The following TCL1B variants were observed in gnomAD, a reference collection of about 807,000 sequenced individuals.
TCL1B encodes the protein TCL1 family AKT coactivator B, also known as T-cell leukemia/lymphoma protein 1B.
In TCL1B, 14 loss-of-function variants were observed where a neutral mutation model predicts 16.9. That is an observed-to-expected ratio of 0.83 (90% CI 0.55 to 1.30). TCL1B has a LOEUF of 1.30. Ranked by LOEUF, TCL1B falls within the 50% of genes most tolerant of loss-of-function variation. The probability of loss-of-function intolerance (pLI) is 0.00; values close to 1 mark genes in which losing one functional copy is unlikely to be tolerated. For missense variants in TCL1B, 166 were observed against 165.2 expected, an observed-to-expected ratio of 1.00 and a Z score of -0.03; for synonymous variants, 79 against 66.6, an observed-to-expected ratio of 1.19 and a Z score of -0.91.
At position 95,686,699 on chromosome 14, in the gene TCL1B, G is replaced by A. The variant is rs567391834; in HGVS notation, c.162+70G>A. The A allele has an allele frequency of 6.0e-6, 9 of 1,494,818 alleles. No homozygotes were observed. In the South Asian group the frequency reaches 6.8e-5, roughly 11 times the overall value. The allele number at this position is 1,494,818 out of a possible 1,614,324, so 92.6% of individuals were successfully genotyped here. Reference sequence around the variant, plus strand: ...TGACCCCTGCCCGTGTGGGACCGCGGTGGGGGTCAGAGGGGGCCGTTCTCA... The same window carrying A: ...TGACCCCTGCCCGTGTGGGACCGCGATGGGGGTCAGAGGGGGCCGTTCTCA... On this transcript the variant is annotated intron_variant, in intron 1 of 3. Coordinates refer to ENST00000340722, the MANE Select transcript of TCL1B (RefSeq NM_004918.4).
intron 1 of TCL1B, chr14:95,689,318 T>A (rs544166146): frequency 3.8e-4 from 55 of 146,132 alleles, no homozygotes; most frequent in African/African-American, 1.4e-3. Flanking sequence ...AAAAAACAGT[T>A]AAGATTTTTT....
At chr14:95,690,980 C>T in intron 2 of TCL1B, 74 bp downstream of exon 2, 2 of 1,540,544 alleles carry the variant, frequency 1.3e-6, no homozygotes. Flanking sequence ...CTCTTCTGTG[C>T]CCCTGGCCCC....
In TCL1B at chr14:95,686,626, CAG is replaced by C. The variant is rs1367733938; in HGVS notation, c.162_162+1del. On this transcript the variant is annotated frameshift_variant and splice_region_variant, in exon 1 of 4. Coordinates refer to ENST00000340722, the MANE Select transcript of TCL1B (RefSeq NM_004918.4). LOFTEE classifies it high-confidence loss of function. ...AATGGGCCAGGGCCTCCCAGGGCAG[CAG>C]AGTGAGTCCTGGGCACGAGGGGAGG... ...REWARASQGS[R>X]YEPSITVHLW... The C allele has an allele frequency of 2.5e-6, 4 of 1,605,612 alleles. No homozygotes were observed. Among genetic ancestry groups the C allele is most frequent in the Non-Finnish European group, 2.6e-6 (3 of 1,175,888 alleles).
At chr14:95,688,377 A>T (rs1406296540) in intron 1 of TCL1B, 2 of 152,214 alleles carry the variant, frequency 1.3e-5, no homozygotes, top group Non-Finnish European at 2.9e-5. Flanking sequence ...GGTAGAGAAC[A>T]TGGAAAGGCT....
rs200228018 is a variant in TCL1B, at chr14:95,686,452, C to T, written c.-16C>T. 1.8e-5 allele frequency: 29 copies of T among 1,577,526 alleles called. No individual in the cohort carries two copies. The highest frequency in any genetic ancestry group is 3.6e-5 in the South Asian group (3 of 82,544). On this transcript the variant is annotated 5_prime_UTR_variant, in exon 1 of 4. Transcript: ENST00000340722. ...CACGTGTGAGCCTAGAGGCGGGTCC[C>T]GGTTGCAGACTTGCCATGGCCTCCG...
At chr14:95,687,951 C>CAA (rs36096166) in intron 1 of TCL1B, among the ~76,000 whole-genome samples, 5,675 of 108,686 alleles carry the variant, frequency 0.052, 656 homozygotes, top group African/African-American at 0.19. Context: ...GACTCCGTCC[C>CAA]AAAAAAAAAA....
intron 1 of TCL1B, among the ~76,000 whole-genome samples, chr14:95,689,965 T>G (rs925308609): frequency 2.0e-5 from 3 of 152,222 alleles, no homozygotes; most frequent in African/African-American, 7.2e-5. Context: ...CCTATCATCT[T>G]TCTAACTTCC....
chr14:95,691,175 G>GCCT, intron 2 of TCL1B, 93 bp from the exon 3 acceptor site: 1 of 1,450,064 alleles, frequency 6.9e-7, no homozygotes, highest in Non-Finnish European at 9.4e-7. Flanking sequence ...CCTCACCCCT[G>GCCT]CCTGCTGCTG....
At chr14:95,688,704 A>C (rs902416709) in intron 1 of TCL1B, among the ~76,000 whole-genome samples, 2 of 152,242 alleles carry the variant, frequency 1.3e-5, no homozygotes, top group Non-Finnish European at 2.9e-5. Context: ...AACAACACAA[A>C]CCATGAAGTA....
At chr14:95,689,785 A>T (rs1437100439) in intron 1 of TCL1B, among the ~76,000 whole-genome samples, 4 of 152,280 alleles carry the variant, frequency 2.6e-5, no homozygotes, top group African/African-American at 9.6e-5. Flanking sequence ...CCATAAAAAA[A>T]GTGAGGACGA....
chr14:95,686,685 C>A (rs1305849893), intron 1 of TCL1B, 56 bp downstream of exon 1: 28 of 1,516,134 alleles, frequency 1.8e-5, no homozygotes, highest in Non-Finnish European at 2.4e-5. Flanking sequence ...GACCCCTGCC[C>A]GTGTGGGACC....
chr14:95,688,397 A>G (rs1298342285), intron 1 of TCL1B: 1 of 152,246 alleles, frequency 6.6e-6, no homozygotes, highest in Non-Finnish European at 1.5e-5. Flanking sequence ...TTTTCTGTAC[A>G]TACACTAAAT....
At chr14:95,691,662 A>G (rs1374174445) in intron 3 of TCL1B, 2 of 239,820 alleles carry the variant, frequency 8.3e-6, no homozygotes, top group Non-Finnish European at 1.7e-5. Flanking sequence ...CTTCCTCGAG[A>G]CCATACAGCC....
chr14:95,687,184 A>G (rs1282167574), intron 1 of TCL1B, among the ~76,000 whole-genome samples: 2 of 152,334 alleles, frequency 1.3e-5, no homozygotes, highest in African/African-American at 2.4e-5. Context: ...CTGATAACAG[A>G]TTCTGGAAAT....
intron 3 of TCL1B, chr14:95,691,635 T>C: frequency 3.7e-6 from 1 of 272,746 alleles, no homozygotes; most frequent in Non-Finnish European, 7.0e-6. Context: ...AAGACAAGAC[T>C]CTGGGGATGG....
At chr14:95,689,080 A>T (rs963504845) in intron 1 of TCL1B, among the ~76,000 whole-genome samples, 3 of 152,072 alleles carry the variant, frequency 2.0e-5, no homozygotes, top group Non-Finnish European at 4.4e-5. Flanking sequence ...AGGTCAGGAG[A>T]TCGAGACCAT....
At chr14:95,691,381 G>C in intron 3 of TCL1B, 45 bp downstream of exon 3, 3 of 1,572,918 alleles carry the variant, frequency 1.9e-6, no homozygotes, top group Non-Finnish European at 2.6e-6. Context: ...TCAGACGAAA[G>C]TGAGAAGACC....
intron 1 of TCL1B, among the ~76,000 whole-genome samples, chr14:95,689,676 G>A (rs1437303549): frequency 6.6e-6 from 1 of 152,210 alleles, no homozygotes; most frequent in African/African-American, 2.4e-5. Flanking sequence ...GCAGATGCAA[G>A]CCAGACTTAG....
At position 95,686,458 on chromosome 14, in the gene TCL1B, C is replaced by A; in HGVS notation, c.-10C>A. The A allele has an allele frequency of 3.2e-6, 5 of 1,579,390 alleles. No homozygotes were observed. Among genetic ancestry groups the A allele is most frequent in the Non-Finnish European group, 3.4e-6 (4 of 1,164,184 alleles). On this transcript the variant is annotated 5_prime_UTR_variant, in exon 1 of 4. Transcript: ENST00000340722. ...TGAGCCTAGAGGCGGGTCCCGGTTG[C>A]AGACTTGCCATGGCCTCCGAAGCTT...
Sources: gnomAD v4.1 joint callset for allele counts (sites outside exome capture counted in the v4.1 genomes callset) on GRCh38, gnomAD v4.1.1 for gene constraint, MANE v1.5 for transcripts, NCBI Gene and HGNC (gene_info 2026-07-23, HGNC 2026-07-21) for gene names.